The following NOS1AP variants were observed in gnomAD, a reference collection of about 807,000 sequenced individuals.
The protein encoded by NOS1AP is carboxyl-terminal PDZ ligand of neuronal nitric oxide synthase protein.
NOS1AP carries 21 observed loss-of-function variants against 56.2 expected under a neutral mutation model. The ratio of observed to expected loss-of-function variants is 0.37; its 90% CI spans 0.26 to 0.54. The LOEUF is 0.54. NOS1AP is among the 20% of genes least tolerant of loss of function. The pLI is 0.84. For synonymous variants in NOS1AP, 270 were observed against 274.6 expected (o/e 0.98, Z 0.17); for missense variants, 522 against 657.8 (o/e 0.79, Z 2.26).
chr1:162,224,427 G>A (rs185768376), intron 2 of NOS1AP, among the ~76,000 whole-genome samples: 3 of 152,244 alleles, frequency 2.0e-5, no homozygotes, highest in Admixed American at 6.5e-5. Flanking sequence ...TGACAGAGGA[G>A]ATCAAAAGTT....
At chr1:162,079,655 C>A (rs1283013254) in intron 1 of NOS1AP, among the ~76,000 whole-genome samples, 1 of 152,142 alleles carries the variant, frequency 6.6e-6, no homozygotes. Context: ...TCAGTAGTAC[C>A]TGTAAATGGC....
At chr1:162,255,203 T>C (rs757221649) in intron 2 of NOS1AP, among the ~76,000 whole-genome samples, 14 of 152,252 alleles carry the variant, frequency 9.2e-5, no homozygotes, top group African/African-American at 2.4e-4. Context: ...TTGAGGAACA[T>C]TTTATTTTGA....
At position 162,105,415 on chromosome 1, in the gene NOS1AP, G is replaced by A. The variant is rs72713860; in HGVS notation, c.105+35133G>A. On this transcript the variant is annotated intron_variant, in intron 1 of 9. Coordinates refer to ENST00000361897, the MANE Select transcript of NOS1AP (RefSeq NM_014697.3). ...GGGACCCACCCAAAGAAGCAGTCTG[G>A]CTGCCCTTTGGTAGAGCAGGTATGC... Among the ~76,000 whole-genome samples the A allele has an allele frequency of 8.6e-3, 1,305 of 152,344 alleles. 12 individuals carry two copies. Among genetic ancestry groups the A allele is most frequent in the South Asian group, 0.022 (108 of 4,832 alleles).
At position 162,370,006 on chromosome 1, in the gene NOS1AP, T is replaced by C. The variant is rs1305413999; in HGVS notation, c.*2539T>C. 1 of 152,462 alleles carries C rather than the reference T, an allele frequency of 6.6e-6. No homozygotes were observed. Among genetic ancestry groups the C allele is most frequent in the African/African-American group, 2.4e-5 (1 of 41,448 alleles). 9.4% of individuals were successfully genotyped at this position (152,462 alleles called of 1,614,324 possible). A position where few individuals can be genotyped will look rare whatever the true frequency, so the allele number is the denominator to read the frequency against. On this transcript the variant is annotated 3_prime_UTR_variant, in exon 10 of 10. Coordinates refer to ENST00000361897, the MANE Select transcript of NOS1AP (RefSeq NM_014697.3). ...TAACTCAACTCTGCCTTCCTCTTTT[T>C]CATTCTTCTACTCTGCCCTATATGG...
chr1:162,078,129 T>C (rs922220854), intron 1 of NOS1AP, among the ~76,000 whole-genome samples: 1 of 152,120 alleles, frequency 6.6e-6, no homozygotes, highest in Admixed American at 6.5e-5. Flanking sequence ...CTACTGTGAG[T>C]GCTCCATTCC....
chr1:162,348,995 G>C (rs797010691), intron 6 of NOS1AP, among the ~76,000 whole-genome samples: 1 of 152,182 alleles, frequency 6.6e-6, no homozygotes, highest in African/African-American at 2.4e-5. Context: ...AGACCAGCCT[G>C]ACCAACATGA....
chr1:162,329,781 G>A (rs76517848), intron 4 of NOS1AP, among the ~76,000 whole-genome samples: 5 of 152,280 alleles, frequency 3.3e-5, no homozygotes, highest in African/African-American at 9.6e-5. Flanking sequence ...GAATGAGGTC[G>A]CATGGAAAAA....
chr1:162,186,568 A>G (rs1417799210), intron 2 of NOS1AP, among the ~76,000 whole-genome samples: 1 of 152,120 alleles, frequency 6.6e-6, no homozygotes, highest in East Asian at 1.9e-4. Context: ...TGATATCAAG[A>G]GGTGGTAATT....
chr1:162,354,425 T>C lies in NOS1AP; in HGVS notation c.596-762T>C, dbSNP rs61082452. ...TAGGAAATAGCAGGGCTTTCATACA[T>C]TGGTATTAAGCAGTATGCTGTGCCT... is the stretch of plus-strand genomic sequence containing the variant. On this transcript the variant is annotated intron_variant, in intron 6 of 9. Coordinates refer to ENST00000361897, the MANE Select transcript of NOS1AP (RefSeq NM_014697.3). Among the ~76,000 whole-genome samples, 15 of 152,340 alleles carry C rather than the reference T, an allele frequency of 9.8e-5. No homozygotes were observed. The East Asian group carries it at 2.5e-3, about 25-fold the overall frequency.
At chr1:162,191,657 T>C (rs1417854504) in intron 2 of NOS1AP, among the ~76,000 whole-genome samples, 1 of 151,922 alleles carries the variant, frequency 6.6e-6, no homozygotes, top group East Asian at 1.9e-4. Flanking sequence ...TACATTCTCT[T>C]CCTCTTCCTC....
intron 2 of NOS1AP, among the ~76,000 whole-genome samples, chr1:162,216,049 T>G (rs932136368): frequency 2.0e-5 from 3 of 152,178 alleles, no homozygotes; most frequent in African/African-American, 7.2e-5. Context: ...GAGCCTCTCA[T>G]TTGCACTTTT....
intron 2 of NOS1AP, among the ~76,000 whole-genome samples, chr1:162,159,130 G>A (rs1650091703): frequency 6.6e-6 from 1 of 152,144 alleles, no homozygotes; most frequent in Non-Finnish European, 1.5e-5. Context: ...GAGTCCAGCA[G>A]CCAGATGTTT....
At chr1:162,246,435 A>C (rs1383497843) in intron 2 of NOS1AP, among the ~76,000 whole-genome samples, 3 of 152,166 alleles carry the variant, frequency 2.0e-5, no homozygotes, top group Non-Finnish European at 4.4e-5. Context: ...GTCAGGAATC[A>C]CTTGAGTGTT....
At chr1:162,098,778 C>T (rs986697674) in intron 1 of NOS1AP, among the ~76,000 whole-genome samples, 4 of 152,166 alleles carry the variant, frequency 2.6e-5, no homozygotes, top group African/African-American at 9.7e-5. Flanking sequence ...GTTTTCTGCT[C>T]CTGTGTTAGT....
intron 1 of NOS1AP, among the ~76,000 whole-genome samples, chr1:162,151,036 C>T (rs1053409092): frequency 5.3e-5 from 8 of 152,280 alleles, no homozygotes; most frequent in South Asian, 2.1e-4. Context: ...AATCTTTGCC[C>T]GGTCCAATGT....
chr1:162,270,515 A>G (rs1163169631), intron 2 of NOS1AP, among the ~76,000 whole-genome samples: 4 of 152,240 alleles, frequency 2.6e-5, no homozygotes, highest in African/African-American at 9.6e-5. Context: ...GCAGTATAGA[A>G]ACTCTTTCAA....
Position 162,226,807 on chromosome 1 carries a change from T to C in NOS1AP, c.178-60537T>C, listed in dbSNP as rs1175028368. ...TATCCCCATTAGCACTTTGTGTCTTTGTAAGCTAGCTTTGCCTTCAGGGAG... is the reference window on the plus strand; with the variant it reads ...TATCCCCATTAGCACTTTGTGTCTTCGTAAGCTAGCTTTGCCTTCAGGGAG... On this transcript the variant is annotated intron_variant, in intron 2 of 9. Transcript: ENST00000361897. Among the ~76,000 whole-genome samples, 4 of 152,252 alleles carry C rather than the reference T, an allele frequency of 2.6e-5. No homozygotes were observed. The East Asian group carries it at 7.7e-4, about 29-fold the overall frequency.
intron 6 of NOS1AP, among the ~76,000 whole-genome samples, chr1:162,352,144 C>G (rs1033145927): frequency 7.9e-5 from 12 of 152,170 alleles, no homozygotes; most frequent in African/African-American, 2.9e-4. Context: ...ACTGCAACCT[C>G]CGCCTCCTGG....
chr1:162,364,085 T>C, intron 8 of NOS1AP: 1 of 985,398 alleles, frequency 1.0e-6, no homozygotes, highest in African/African-American at 1.7e-5. Context: ...AACTGTGAGG[T>C]AGCACTGCCC....
Sources: allele counts gnomAD v4.1 joint callset (sites outside exome capture counted in the v4.1 genomes callset), GRCh38; gene constraint gnomAD v4.1.1; transcripts MANE v1.5; gene names NCBI Gene and HGNC (gene_info 2026-07-23, HGNC 2026-07-21).